PDP1: variants seen among roughly 807,000 people sequenced by gnomAD.
PDP1 encodes the protein pyruvate dehydrogenase phosphatase catalytic subunit 1.
In PDP1, 14 loss-of-function variants were observed where a neutral mutation model predicts 37.1. The ratio of observed to expected loss-of-function variants is 0.38; its 90% confidence interval spans 0.25 to 0.59. The LOEUF (loss-of-function observed/expected upper bound fraction) is 0.59. PDP1 is among the 20% of genes least tolerant of loss of function. The probability of loss-of-function intolerance (pLI) is 0.67; values close to 1 mark genes in which losing one functional copy is unlikely to be tolerated. For missense variants in PDP1, 544 were observed against 655.3 expected (o/e 0.83, Z 1.85); for synonymous variants, 251 against 243.3 (o/e 1.03, Z -0.29).
At position 93,922,442 on chromosome 8, in the gene PDP1, G is replaced by T. The variant is rs1261352075; in HGVS notation, c.383G>T (p.Ser128Ile). The T allele has an allele frequency of 6.2e-7, 1 of 1,614,024 alleles. No individual in the cohort carries two copies. The highest frequency in any genetic ancestry group is 1.3e-5 in the African/African-American group (1 of 74,940). The change falls in exon 2 of 2, where the codon AGT becomes ATT. Residue 128 changes from serine (S) to isoleucine (I), a missense_variant. This residue lies in a region of PDP1 where 342 missense variants were observed against 414.0 expected (regional missense o/e 0.83). Coordinates refer to ENST00000297598, the MANE Select transcript of PDP1 (RefSeq NM_018444.4). The surrounding 1 kb of genome is among the most constrained non-coding windows in gnomAD (Gnocchi z 4.0). Reference sequence around the variant, plus strand: ...AATGCACCCATTGAGGACCGGAGAAGTGCAGCAACCTGCTTGCAGACCAGA... The same window carrying T: ...AATGCACCCATTGAGGACCGGAGAATTGCAGCAACCTGCTTGCAGACCAGA... ...PANAPIEDRR[S>I]AATCLQTRGM... is the part of the protein sequence containing the mutation.
intron 1 of PDP1, chr8:93,917,987 G>T: frequency 6.2e-7 from 1 of 1,610,382 alleles, no homozygotes; most frequent in Non-Finnish European, 8.5e-7. Context: ...ACCCAGGAAG[G>T]ATGGTGACAG....
At position 93,922,044 on chromosome 8, in the gene PDP1, A is replaced by G; in HGVS notation, c.-16A>G. ...TCCCAGTCAGAAGTTCCAGCCTGCCACTGTTCTCTGATGCCATGCCAGCAC... is the reference window on the plus strand; with the variant it reads ...TCCCAGTCAGAAGTTCCAGCCTGCCGCTGTTCTCTGATGCCATGCCAGCAC... On this transcript the variant is annotated 5_prime_UTR_variant, in exon 2 of 2. Coordinates refer to ENST00000297598, the MANE Select transcript of PDP1 (RefSeq NM_018444.4). This position sits in a 1 kb window ranked among gnomAD's most constrained non-coding sequence, Gnocchi z 4.0. The G allele has an allele frequency of 6.2e-7, 1 of 1,600,928 alleles. No homozygotes were observed. The highest frequency in any genetic ancestry group is 1.3e-5 in the African/African-American group (1 of 74,864).
At chr8:93,917,845 GTGCTGCTGTCGC>G in intron 1 of PDP1, 1 of 1,613,490 alleles carries the variant, frequency 6.2e-7, no homozygotes, top group Non-Finnish European at 8.5e-7. Flanking sequence ...CAATGGGCCG[GTGCTGCTGTCGC>G]TGCTGCTGCC....
chr8:93,917,933 C>T (rs755840386), intron 1 of PDP1: 1 of 1,613,868 alleles, frequency 6.2e-7, no homozygotes, highest in South Asian at 1.1e-5. Flanking sequence ...GTGTCCCGGG[C>T]CCAGACGAAT....
chr8:93,923,746 A>G lies in PDP1; in HGVS notation c.*73A>G, dbSNP rs1469001009. The G allele has an allele frequency of 3.4e-6, 4 of 1,169,388 alleles. No individual in the cohort carries two copies. Among genetic ancestry groups the G allele is most frequent in the South Asian group, 1.2e-5 (1 of 81,222 alleles). The allele number at this position is 1,169,388 out of a possible 1,614,324, so 72.4% of individuals were successfully genotyped here. A position where few individuals can be genotyped will look rare whatever the true frequency, so the allele number is the denominator to read the frequency against. ...GCAGATTTTTTAAAAAGATACTACT[A>G]TAATAAACATTTCCAGTTGGTCATT... On this transcript the variant is annotated 3_prime_UTR_variant, in exon 2 of 2. Coordinates refer to ENST00000297598, the MANE Select transcript of PDP1 (RefSeq NM_018444.4). This position sits in a 1 kb window ranked among gnomAD's most constrained non-coding sequence, Gnocchi z 4.3.
rs1810318717 is a variant in PDP1, at chr8:93,922,721, A to G, written c.662A>G (p.Asp221Gly). The change falls in exon 2 of 2, where the codon GAC becomes GGC. Residue 221 changes from aspartate (D) to glycine (G), a missense_variant. Transcript: ENST00000297598. The surrounding 1 kb of genome is among the most constrained non-coding windows in gnomAD (Gnocchi z 4.0). ...SLRTYWQELI[D>G]LNTGESTDID... Reference sequence around the variant, plus strand: ...AGGACTTACTGGCAAGAGCTTATAGACCTCAACACTGGTGAGTCGACTGAT... The same window carrying G: ...AGGACTTACTGGCAAGAGCTTATAGGCCTCAACACTGGTGAGTCGACTGAT... 1 of 1,614,014 alleles carries G rather than the reference A, an allele frequency of 6.2e-7. No homozygotes were observed. Among genetic ancestry groups the G allele is most frequent in the South Asian group, 1.1e-5 (1 of 91,074 alleles).
Position 93,916,959 on chromosome 8 carries a change from C to G in PDP1, c.-165C>G, listed in dbSNP as rs1324267971. The G allele has an allele frequency of 2.2e-6, 1 of 452,340 alleles. No individual in the cohort carries two copies. The highest frequency in any genetic ancestry group is 2.3e-5 in the Admixed American group (1 of 42,786). The allele number at this position is 452,340 out of a possible 1,614,324, so 28.0% of individuals were successfully genotyped here. On this transcript the variant is annotated 5_prime_UTR_variant, in exon 1 of 2. Transcript: ENST00000297598. Reference sequence around the variant, plus strand: ...ACGGTAGGGGAGCAGAGTGGGCAGGCCGGGGGTGAGGGCTCGCGCTCCGGG... The same window carrying G: ...ACGGTAGGGGAGCAGAGTGGGCAGGGCGGGGGTGAGGGCTCGCGCTCCGGG...
intron 1 of PDP1, among the ~76,000 whole-genome samples, chr8:93,918,723 A>G (rs371348698): frequency 2.7e-4 from 41 of 152,316 alleles, no homozygotes; most frequent in African/African-American, 9.1e-4. Flanking sequence ...AGCCTTCTAC[A>G]CTAATTTAAC....
intron 1 of PDP1, chr8:93,917,729 C>A (rs1331520600): frequency 3.1e-5 from 39 of 1,270,988 alleles, no homozygotes; most frequent in Non-Finnish European, 3.8e-5. Context: ...CATCCTCTTC[C>A]CCCCCACCTC....
rs1810278490 is a variant in PDP1 at position 93,921,761 on chromosome 8, A to G, written c.-44-255A>G. The G allele has an allele frequency of 7.2e-6, 3 of 416,686 alleles. No homozygotes were observed. In the South Asian group the frequency reaches 1.4e-4, roughly 19 times the overall value. 25.8% of individuals were successfully genotyped at this position (416,686 alleles called of 1,614,324 possible). Reference sequence around the variant, plus strand: ...AGTTTGTACTGCACAAAGGACGACAAAGAAAAGAGAAAATTGAAGTTTGAG... The same window carrying G: ...AGTTTGTACTGCACAAAGGACGACAGAGAAAAGAGAAAATTGAAGTTTGAG... On this transcript the variant is annotated intron_variant, in intron 1 of 1. Transcript: ENST00000297598.
chr8:93,921,534 A>G (rs1026260254), intron 1 of PDP1, among the ~76,000 whole-genome samples: 1 of 152,192 alleles, frequency 6.6e-6, no homozygotes. Flanking sequence ...GCCATGTGTA[A>G]TCATGCCAAA....
chr8:93,921,381 T>G, intron 1 of PDP1: 1 of 963,076 alleles, frequency 1.0e-6, no homozygotes, highest in Non-Finnish European at 1.2e-6. Flanking sequence ...AGAGAAATAC[T>G]GGAATTTCTT....
Position 93,922,710 on chromosome 8 carries a change from A to G in PDP1, c.651A>G (p.Gln217=), listed in dbSNP as rs777966209. 3.5e-5 allele frequency: 56 copies of G among 1,613,704 alleles called. 1 individual carries two copies. In the Admixed American group the frequency reaches 9.0e-4, roughly 26 times the overall value. Residue 217 remains glutamine, a synonymous_variant, in exon 2 of 2, where the codon CAA becomes CAG. Coordinates refer to ENST00000297598, the MANE Select transcript of PDP1 (RefSeq NM_018444.4). The surrounding 1 kb of genome is among the most constrained non-coding windows in gnomAD (Gnocchi z 4.0). ...LYFNSLRTYW[Q]ELIDLNTGES... ...TTAACAGCTTGAGGACTTACTGGCA[A>G]GAGCTTATAGACCTCAACACTGGTG...
In PDP1 at chr8:93,923,023, C is replaced by T; in HGVS notation, c.964C>T (p.Leu322=). 6.2e-7 allele frequency: 1 copy of T among 1,614,186 alleles called. No individual in the cohort carries two copies. The highest frequency in any genetic ancestry group is 8.5e-7 in the Non-Finnish European group (1 of 1,180,040). Residue 322 remains leucine (L), a synonymous_variant, in exon 2 of 2, where the codon CTA becomes TTA. Coordinates refer to ENST00000297598, the MANE Select transcript of PDP1 (RefSeq NM_018444.4). The surrounding 1 kb of genome is among the most constrained non-coding windows in gnomAD (Gnocchi z 4.3). ...CCACAATGCTCAAAATGAAAGAGAA[C>T]TAGAACGGCTGAAATTGGAACATCC... ...NDHNAQNERE[L]ERLKLEHPKS...
chr8:93,920,181 G>C (rs1240264721), intron 1 of PDP1, among the ~76,000 whole-genome samples: 3 of 152,166 alleles, frequency 2.0e-5, no homozygotes, highest in Admixed American at 6.5e-5. Context: ...AATCTGTGTG[G>C]CTGGCTTATG....
intron 1 of PDP1, chr8:93,917,758 T>C: frequency 6.6e-7 from 1 of 1,514,628 alleles, no homozygotes; most frequent in Non-Finnish European, 8.9e-7. Flanking sequence ...TTCACCGGGC[T>C]GGAGCGAGAC....
Position 93,924,626 on chromosome 8 carries a change from A to G in PDP1, c.*953A>G, listed in dbSNP as rs1336015880. The G allele has an allele frequency of 6.0e-6, 1 of 167,130 alleles. No homozygotes were observed. The highest frequency in any genetic ancestry group is 1.5e-5 in the Non-Finnish European group (1 of 68,130). The allele number at this position is 167,130 out of a possible 1,614,324, so 10.4% of individuals were successfully genotyped here. On this transcript the variant is annotated 3_prime_UTR_variant, in exon 2 of 2. Coordinates refer to ENST00000297598, the MANE Select transcript of PDP1 (RefSeq NM_018444.4). Reference sequence around the variant, plus strand: ...TTATTTTTGGAATTTTAAAGATGACATAAATAAGTTTAAATATCAATTTGG... The same window carrying G: ...TTATTTTTGGAATTTTAAAGATGACGTAAATAAGTTTAAATATCAATTTGG...
At chr8:93,919,065 C>A (rs1019887722) in intron 1 of PDP1, 4 of 597,198 alleles carry the variant, frequency 6.7e-6, no homozygotes, top group Non-Finnish European at 8.4e-6. Context: ...CAATAAAATT[C>A]ACTCTCTCAT....
At chr8:93,917,725 C>T in intron 1 of PDP1, 1 of 1,248,046 alleles carries the variant, frequency 8.0e-7, no homozygotes, top group Non-Finnish European at 1.1e-6. Flanking sequence ...CCTCCATCCT[C>T]TTCCCCCCCA....
Sources: allele counts gnomAD v4.1 joint callset (sites outside exome capture counted in the v4.1 genomes callset), GRCh38; gene constraint gnomAD v4.1.1; regional missense constraint gnomAD v4.1.1; non-coding constraint Gnocchi (gnomAD v3.1); transcripts MANE v1.5; gene names NCBI Gene and HGNC (gene_info 2026-07-23, HGNC 2026-07-21).